ADAMTSL1: variants seen among roughly 807,000 people sequenced by gnomAD.
ADAMTSL1 encodes ADAMTS like 1, also known as ADAMTS-like protein 1.
A neutral mutation model predicts 201.8 loss-of-function variants in ADAMTSL1; 126 were observed. That is an observed-to-expected ratio of 0.62 (90% CI 0.54 to 0.72). The LOEUF is 0.72. ADAMTSL1 is among the 30% of genes least tolerant of loss of function. The pLI, the probability that ADAMTSL1 is intolerant of heterozygous loss-of-function variation, is 0.00. For synonymous variants in ADAMTSL1, 1,121 were observed against 903.4 expected, an observed-to-expected ratio of 1.24 and a Z score of -4.32; for missense variants, 2,679 against 2,277.8, an observed-to-expected ratio of 1.18 and a Z score of -3.59.
At chr9:18,612,438 A>G (rs1564088773) in intron 4 of ADAMTSL1, among the ~76,000 whole-genome samples, 1 of 152,192 alleles carries the variant, frequency 6.6e-6, no homozygotes, top group Non-Finnish European at 1.5e-5. Context: ...CCATTCATTC[A>G]TTGAACACAT....
chr9:18,178,834 A>G (rs1193634077), intron 2 of ADAMTSL1, among the ~76,000 whole-genome samples: 1 of 152,176 alleles, frequency 6.6e-6, no homozygotes, highest in African/African-American at 2.4e-5. Context: ...TTGGAAGGAA[A>G]ACTAACAAAC....
At chr9:18,261,444 C>T (rs765217726) in intron 2 of ADAMTSL1, among the ~76,000 whole-genome samples, 1 of 152,186 alleles carries the variant, frequency 6.6e-6, no homozygotes, top group Non-Finnish European at 1.5e-5. Context: ...TGAAATCCCT[C>T]AGGAAGCTCG....
intron 2 of ADAMTSL1, among the ~76,000 whole-genome samples, chr9:18,238,559 A>G (rs1201936123): frequency 1.3e-5 from 2 of 152,092 alleles, no homozygotes; most frequent in African/African-American, 4.8e-5. Context: ...CGTCATTAGG[A>G]ATGTTAGGTG....
intron 7 of ADAMTSL1, among the ~76,000 whole-genome samples, chr9:18,646,888 A>C (rs1687600007): frequency 1.3e-5 from 2 of 152,006 alleles, no homozygotes; most frequent in African/African-American, 4.8e-5. Flanking sequence ...TGGTATCAGG[A>C]TGATGCAGGC....
chr9:18,024,169 T>C (rs1015826347), intron 1 of ADAMTSL1, among the ~76,000 whole-genome samples: 2 of 152,190 alleles, frequency 1.3e-5, no homozygotes, highest in Non-Finnish European at 2.9e-5. Flanking sequence ...TTGATAATTG[T>C]AAATGTTTTA....
rs556053266 is a variant in ADAMTSL1 at position 18,165,434 on chromosome 9, A to G, written c.207+1453A>G. Among the ~76,000 whole-genome samples, 7 of 152,078 alleles carry G rather than the reference A, an allele frequency of 4.6e-5. No individual in the cohort carries two copies. In the South Asian group the frequency reaches 1.4e-3, roughly 31 times the overall value. ...AACCAATTTTTGTCACTTGGTAAGC[A>G]TCAAAGGGTGTCATAAACATTATTA... On this transcript the variant is annotated intron_variant, in intron 2 of 29. Coordinates refer to the ADAMTSL1 transcript ENST00000680146.
chr9:17,974,508 A>G lies in ADAMTSL1; in HGVS notation c.87+67586A>G, dbSNP rs183897795. Among the ~76,000 whole-genome samples the G allele has an allele frequency of 2.3e-3, 348 of 152,108 alleles. 2 individuals carry two copies. Among genetic ancestry groups the G allele is most frequent in the African/African-American group, 8.0e-3 (332 of 41,524 alleles). On this transcript the variant is annotated intron_variant, in intron 1 of 29. Coordinates refer to the ADAMTSL1 transcript ENST00000680146. ...AACTGAAACTTTGTACCTTTTGACC[A>G]ACATCTCCCCAATGTTCCCACCCCT...
rs200579940 is a variant in ADAMTSL1, at chr9:18,841,182, T to A, written c.4249+11205T>A. On this transcript the variant is annotated intron_variant, in intron 23 of 28. Coordinates refer to ENST00000380548, the MANE Select transcript of ADAMTSL1 (RefSeq NM_001040272.6). ...GATATTGGCTGTGGGTTTGTCATAG[T>A]TAGTTCTTATTATTTTGAGATACAT... Among the ~76,000 whole-genome samples, 744 of 144,530 alleles carry A rather than the reference T, an allele frequency of 5.1e-3. 9 individuals are homozygous for A. The highest frequency in any genetic ancestry group is 0.02 in the African/African-American group (690 of 34,262). 94.8% of individuals were successfully genotyped at this position (144,530 alleles called of 152,430 possible).
intron 19 of ADAMTSL1, among the ~76,000 whole-genome samples, chr9:18,784,931 C>G (rs1821614566): frequency 6.6e-6 from 1 of 152,194 alleles, no homozygotes; most frequent in Admixed American, 6.5e-5. Context: ...TTTGGGAGGC[C>G]GAGGTGGGCA....
chr9:18,268,800 T>C (rs1341890748), intron 2 of ADAMTSL1, among the ~76,000 whole-genome samples: 1 of 152,174 alleles, frequency 6.6e-6, no homozygotes, highest in Non-Finnish European at 1.5e-5. Flanking sequence ...TTGTTTATTC[T>C]TGAGATTGGA....
intron 2 of ADAMTSL1, among the ~76,000 whole-genome samples, chr9:18,435,677 T>G (rs1315949087): frequency 2.0e-5 from 3 of 152,166 alleles, no homozygotes; most frequent in Admixed American, 2.0e-4. Flanking sequence ...TAATCCATTT[T>G]CACAATGCTG....
intron 2 of ADAMTSL1, among the ~76,000 whole-genome samples, chr9:18,177,979 G>A (rs1011948463): frequency 6.6e-5 from 10 of 152,204 alleles, no homozygotes; most frequent in African/African-American, 2.4e-4. Flanking sequence ...TTTTTGGCGG[G>A]TGATGAAAGT....
At chr9:18,569,401 G>A (rs941152793) in intron 3 of ADAMTSL1, among the ~76,000 whole-genome samples, 14 of 152,270 alleles carry the variant, frequency 9.2e-5, no homozygotes, top group Admixed American at 2.6e-4. Context: ...ACAGTAATTC[G>A]TGGGATCATG....
intron 1 of ADAMTSL1, among the ~76,000 whole-genome samples, chr9:17,963,076 G>A (rs147430839): frequency 4.4e-4 from 67 of 152,264 alleles, no homozygotes; most frequent in African/African-American, 1.6e-3. Context: ...AGATTTAGAG[G>A]TTCATTTGAA....
intron 3 of ADAMTSL1, among the ~76,000 whole-genome samples, chr9:18,538,758 G>T (rs2383077): frequency 0.034 from 5,217 of 152,224 alleles, 253 homozygotes; most frequent in African/African-American, 0.1. Context: ...TGGGCGTAAG[G>T]TAAATTCCCA....
chr9:18,428,399 A>G (rs1488467159), intron 2 of ADAMTSL1, among the ~76,000 whole-genome samples: 1 of 147,840 alleles, frequency 6.8e-6, no homozygotes. Context: ...GGAGCTCAAG[A>G]GCAGCTTGGT....
intron 1 of ADAMTSL1, among the ~76,000 whole-genome samples, chr9:18,029,597 A>C: frequency 6.6e-6 from 1 of 152,164 alleles, no homozygotes; most frequent in East Asian, 1.9e-4. Flanking sequence ...AACTACCATC[A>C]GAGTGAACAG....
At chr9:18,852,133 A>G (rs965213584) in intron 23 of ADAMTSL1, among the ~76,000 whole-genome samples, 49 of 152,206 alleles carry the variant, frequency 3.2e-4, no homozygotes, top group African/African-American at 9.9e-4. Context: ...GGTCCTTTAC[A>G]TGCACCTTAG....
chr9:18,902,251 AC>A (rs1273661734), intron 26 of ADAMTSL1, among the ~76,000 whole-genome samples: 7 of 152,204 alleles, frequency 4.6e-5, no homozygotes, highest in Admixed American at 2.0e-4. Context: ...AATACTATAA[AC>A]CAATTGGAGC....
Sources: gnomAD v4.1 joint callset for allele counts (sites outside exome capture counted in the v4.1 genomes callset) on GRCh38, gnomAD v4.1.1 for gene constraint, MANE v1.5 for transcripts, NCBI Gene and HGNC (gene_info 2026-07-23, HGNC 2026-07-21) for gene names.